The following HDAC9 variants were observed in gnomAD, a reference collection of about 807,000 sequenced individuals.
HDAC9 encodes MEF-2 interacting transcription repressor (MITR) protein.
A neutral mutation model predicts 139.4 loss-of-function variants in HDAC9; 41 were observed. The observed-to-expected ratio is 0.29, with a 90% CI of 0.23 to 0.38. The LOEUF (loss-of-function observed/expected upper bound fraction) is 0.38, where lower values mean the gene tolerates loss of function less well. Ranked by LOEUF, HDAC9 falls within the 10% of genes least tolerant of loss-of-function variation. HDAC9 has a pLI of 1.00. For missense variants in HDAC9, 1,147 were observed against 1,297.0 expected (o/e 0.88, Z 1.78); for synonymous variants, 517 against 476.2 (o/e 1.09, Z -1.12).
intron 2 of HDAC9, among the ~76,000 whole-genome samples, chr7:18,547,892 T>TCC (rs1815679219): frequency 9.9e-6 from 1 of 100,980 alleles, no homozygotes; most frequent in Non-Finnish European, 1.9e-5. Flanking sequence ...TCTCTCCCTC[T>TCC]CTCCCTCTCT....
At chr7:18,776,894 T>C (rs1790815789) in intron 16 of HDAC9, among the ~76,000 whole-genome samples, 1 of 151,960 alleles carries the variant, frequency 6.6e-6, no homozygotes, top group Admixed American at 6.6e-5. Context: ...CCCATCTCAC[T>C]CTCACTGTTA....
At chr7:18,417,987 C>T (rs1248963680) in intron 1 of HDAC9, among the ~76,000 whole-genome samples, 1 of 152,132 alleles carries the variant, frequency 6.6e-6, no homozygotes, top group Non-Finnish European at 1.5e-5. Flanking sequence ...TGGATGTCCA[C>T]CACGCTCCCC....
chr7:18,879,940 A>G (rs962922810), intron 22 of HDAC9, among the ~76,000 whole-genome samples: 12 of 152,186 alleles, frequency 7.9e-5, no homozygotes, highest in Non-Finnish European at 1.5e-4. Flanking sequence ...TTCAGCATCT[A>G]TAAGGAACTT....
chr7:18,780,291 T>C (rs1347936055), intron 16 of HDAC9, among the ~76,000 whole-genome samples: 1 of 152,072 alleles, frequency 6.6e-6, no homozygotes, highest in East Asian at 1.9e-4. Flanking sequence ...GATAGTACTT[T>C]ATCCAAATTT....
intron 22 of HDAC9, among the ~76,000 whole-genome samples, chr7:18,903,683 GACAA>G (rs1219430018): frequency 2.0e-5 from 3 of 152,140 alleles, no homozygotes; most frequent in Non-Finnish European, 4.4e-5. Context: ...CTATCTTTCT[GACAA>G]ACATTCTCAT....
chr7:18,890,020 G>A (rs1457239066), intron 22 of HDAC9, among the ~76,000 whole-genome samples: 1 of 152,148 alleles, frequency 6.6e-6, no homozygotes, highest in Non-Finnish European at 1.5e-5. Flanking sequence ...TTCTAATTGC[G>A]TGACCTTGGG....
chr7:18,667,690 G>GC, intron 12 of HDAC9: 4 of 985,144 alleles, frequency 4.1e-6, no homozygotes, highest in South Asian at 9.4e-5. Context: ...CATGTACTGA[G>GC]GAATGTAGGA....
At chr7:18,414,864 CT>C (rs1788902340) in intron 1 of HDAC9, among the ~76,000 whole-genome samples, 1 of 152,162 alleles carries the variant, frequency 6.6e-6, no homozygotes. Flanking sequence ...TTTACCTCAA[CT>C]TTTTTTCCTC....
Position 18,749,116 on chromosome 7 carries a change from C to G in HDAC9, c.2021C>G (p.Thr674Ser). ...IQSIWSRLQETGLLNKCERIQ... is the reference protein window; with the variant it reads ...IQSIWSRLQESGLLNKCERIQ... ...AGTATCTGGTCACGACTGCAAGAAA[C>G]TGGGCTGCTAAATAAATGTGAGGTA... The change falls in exon 14 of 26, where the codon ACT (threonine) becomes AGT (serine). Residue 674 changes from threonine to serine, a missense_variant. Thr to Ser is a moderately conservative substitution (Grantham distance 58, BLOSUM62 1). Around this residue, in one of 7 missense-constraint regions of HDAC9, gnomAD observed 407 missense variants for 521.5 expected, o/e 0.78. Coordinates refer to ENST00000686413, the MANE Select transcript of HDAC9 (RefSeq NM_178425.4). The G allele has an allele frequency of 4.3e-6, 7 of 1,613,682 alleles. No individual in the cohort carries two copies. Among genetic ancestry groups the G allele is most frequent in the Non-Finnish European group, 5.9e-6 (7 of 1,179,794 alleles).
chr7:18,354,342 A>G (rs1435434027), intron 1 of HDAC9, among the ~76,000 whole-genome samples: 1 of 152,212 alleles, frequency 6.6e-6, no homozygotes, highest in East Asian at 1.9e-4. Context: ...TAATGAAAAT[A>G]TGCAGGCCAG....
intron 1 of HDAC9, among the ~76,000 whole-genome samples, chr7:18,314,695 A>G (rs555006310): frequency 3.9e-5 from 6 of 152,354 alleles, no homozygotes; most frequent in African/African-American, 1.4e-4. Flanking sequence ...TCCGTGAAAC[A>G]AAACAACTGG....
At chr7:18,463,487 C>A (rs755029392) in intron 1 of HDAC9, among the ~76,000 whole-genome samples, 2 of 151,840 alleles carry the variant, frequency 1.3e-5, no homozygotes, top group African/African-American at 4.8e-5. Context: ...TCCCTTGTAT[C>A]TAAATTTTCC....
intron 19 of HDAC9, 95 bp downstream of exon 19, chr7:18,829,643 T>TG (rs1795714854): frequency 1.4e-6 from 1 of 738,564 alleles, no homozygotes; most frequent in South Asian, 1.7e-5. Flanking sequence ...TTTTAGCACT[T>TG]GCAAACAACT....
chr7:18,874,022 G>A (rs1799130502), intron 21 of HDAC9, among the ~76,000 whole-genome samples: 1 of 151,082 alleles, frequency 6.6e-6, no homozygotes, highest in African/African-American at 2.4e-5. Context: ...TTTTAAGTTG[G>A]GAAAGCAAAC....
chr7:18,945,894 G>A (rs1315511293), intron 23 of HDAC9, among the ~76,000 whole-genome samples: 2 of 151,594 alleles, frequency 1.3e-5, no homozygotes, highest in African/African-American at 4.8e-5. Flanking sequence ...AAAATTAGCT[G>A]GGCGTGGTGG....
At chr7:18,365,639 C>CT (rs55696827) in intron 1 of HDAC9, among the ~76,000 whole-genome samples, 141,889 of 148,708 alleles carry the variant, frequency 0.95, 67,922 homozygotes, top group Non-Finnish European at 0.99. Context: ...GTCTTTATGA[C>CT]TTTTTTTTTT....
intron 2 of HDAC9, among the ~76,000 whole-genome samples, chr7:18,507,976 G>C (rs761712423): frequency 6.6e-6 from 1 of 152,194 alleles, no homozygotes; most frequent in Non-Finnish European, 1.5e-5. Flanking sequence ...GAAGACTTTG[G>C]AAGATGAAAT....
At chr7:18,604,382 C>A (rs1453107398) in intron 6 of HDAC9, among the ~76,000 whole-genome samples, 1 of 151,550 alleles carries the variant, frequency 6.6e-6, no homozygotes, top group Non-Finnish European at 1.5e-5. Flanking sequence ...TTAGCTGTGT[C>A]CAGTCTACTG....
chr7:18,556,243 G>T (rs951538319), intron 2 of HDAC9, among the ~76,000 whole-genome samples: 1 of 151,972 alleles, frequency 6.6e-6, no homozygotes, highest in Non-Finnish European at 1.5e-5. Context: ...GATAGGGTAA[G>T]ATTTCACAAA....
Sources: gnomAD v4.1 joint callset for allele counts (sites outside exome capture counted in the v4.1 genomes callset) on GRCh38, gnomAD v4.1.1 for gene constraint, gnomAD v4.1.1 regional missense constraint, MANE v1.5 for transcripts, NCBI Gene and HGNC (gene_info 2026-07-23, HGNC 2026-07-21) for gene names.